Variants in GPC5 observed in about 807,000 individuals in gnomAD.
GPC5 encodes the protein glypican 5, also known as glypican-5.
GPC5 carries 47 observed loss-of-function variants against 53.9 expected under a neutral mutation model. The observed-to-expected ratio is 0.87, with a 90% CI of 0.69 to 1.11. The LOEUF is 1.11. Among genes scored for constraint, GPC5 ranks in the 50% most tolerant of loss-of-function variants. The pLI is 0.00. For missense variants in GPC5, 748 were observed against 713.1 expected, an observed-to-expected ratio of 1.05 and a Z score of -0.56; for synonymous variants, 286 against 263.3, an observed-to-expected ratio of 1.09 and a Z score of -0.84.
At chr13:92,123,570 T>C (rs1373021678) in intron 6 of GPC5, among the ~76,000 whole-genome samples, 1 of 152,192 alleles carries the variant, frequency 6.6e-6, no homozygotes, top group East Asian at 1.9e-4. Flanking sequence ...GAATGCCTGA[T>C]ACCTTTTTTT....
chr13:92,443,562 GCTC>G (rs1877666666), intron 7 of GPC5, among the ~76,000 whole-genome samples: 1 of 152,110 alleles, frequency 6.6e-6, no homozygotes, highest in Admixed American at 6.6e-5. Context: ...CAATTTTTGA[GCTC>G]CTAACAGTTT....
chr13:92,730,061 G>A (rs1888757435), intron 7 of GPC5, among the ~76,000 whole-genome samples: 1 of 151,348 alleles, frequency 6.6e-6, no homozygotes, highest in Non-Finnish European at 1.5e-5. Context: ...CTGACTCATA[G>A]TATAAAGATA....
chr13:92,659,833 A>G (rs1264416430), intron 7 of GPC5, among the ~76,000 whole-genome samples: 6 of 152,170 alleles, frequency 3.9e-5, no homozygotes, highest in Non-Finnish European at 5.9e-5. Flanking sequence ...CTGGGATATG[A>G]GAGTGAAAAG....
chr13:91,867,116 G>A (rs2039093398), intron 5 of GPC5, among the ~76,000 whole-genome samples: 1 of 152,242 alleles, frequency 6.6e-6, no homozygotes, highest in Non-Finnish European at 1.5e-5. Flanking sequence ...TCGGGAGGCT[G>A]AGGCAGGAGA....
chr13:92,751,302 TTAAAAAAAAAAA>T lies in GPC5; in HGVS notation c.1562-114979_1562-114968del, dbSNP rs1363094286. Among the ~76,000 whole-genome samples, 92 of 34,426 alleles carry T rather than the reference TTAAAAAAAAAAA, an allele frequency of 2.7e-3. 2 individuals are homozygous for T. Among genetic ancestry groups the T allele is most frequent in the Non-Finnish European group, 4.7e-3 (82 of 17,366 alleles). The allele number at this position is 34,426 out of a possible 152,430, so 22.6% of individuals were successfully genotyped here. A position where few individuals can be genotyped will look rare whatever the true frequency, so the allele number is the denominator to read the frequency against. On this transcript the variant is annotated intron_variant, in intron 7 of 7. Coordinates refer to ENST00000377067, the MANE Select transcript of GPC5 (RefSeq NM_004466.6). ...AAAACCTTTGGTCATCCAGAAACATTTAAAAAAAAAAAAAAAAAAAAAAAAAAAAAAAACCTT... is the reference window on the plus strand; with the variant it reads ...AAAACCTTTGGTCATCCAGAAACATTAAAAAAAAAAAAAAAAAAAAACCTT...
intron 7 of GPC5, among the ~76,000 whole-genome samples, chr13:92,253,504 G>A (rs529026309): frequency 1.3e-5 from 2 of 152,076 alleles, no homozygotes; most frequent in African/African-American, 4.8e-5. Flanking sequence ...TGCAGATAAG[G>A]AAAGAGTAGT....
intron 7 of GPC5, among the ~76,000 whole-genome samples, chr13:92,760,985 T>C (rs1038198416): frequency 2.6e-5 from 4 of 152,222 alleles, no homozygotes; most frequent in African/African-American, 9.6e-5. Flanking sequence ...TAGAGATTTC[T>C]AGTTTCATAC....
chr13:92,226,520 A>G lies in GPC5; in HGVS notation c.1561+81531A>G, dbSNP rs1043428001. ...TCTAACTCCTGAAAAGCACACAAAA[A>G]TGGTACACAGTTGACCAAGAAGTAA... is the stretch of plus-strand genomic sequence containing the variant. On this transcript the variant is annotated intron_variant, in intron 7 of 7. Coordinates refer to ENST00000377067, the MANE Select transcript of GPC5 (RefSeq NM_004466.6). 4.6e-5 allele frequency among the ~76,000 whole-genome samples: 7 copies of G among 152,202 alleles called. No individual in the cohort carries two copies. In the South Asian group the frequency reaches 8.3e-4, roughly 18 times the overall value.
intron 5 of GPC5, among the ~76,000 whole-genome samples, chr13:91,758,119 T>C (rs1006932321): frequency 6.6e-6 from 1 of 152,122 alleles, no homozygotes; most frequent in Non-Finnish European, 1.5e-5. Flanking sequence ...TGACTAGTGC[T>C]CTTTTTTCAT....
At chr13:92,562,407 C>T (rs1594306647) in intron 7 of GPC5, among the ~76,000 whole-genome samples, 1 of 152,046 alleles carries the variant, frequency 6.6e-6, no homozygotes, top group Non-Finnish European at 1.5e-5. Context: ...CCCGCTCTAC[C>T]ACCTACAAGG....
At position 91,597,426 on chromosome 13, in the gene GPC5, G is replaced by A. The variant is rs148318942; in HGVS notation, c.326-95761G>A. The stretch of plus-strand genomic sequence containing the variant: ...TTCTGATGAATATTTTTCTTTATAT[G>A]GCCTTCCAGTTTGTTAATTTTGAGC... On this transcript the variant is annotated intron_variant, in intron 2 of 7. Coordinates refer to ENST00000377067, the MANE Select transcript of GPC5 (RefSeq NM_004466.6). Among the ~76,000 whole-genome samples, 4 of 152,108 alleles carry A rather than the reference G, an allele frequency of 2.6e-5. No individual in the cohort carries two copies. In the East Asian group the frequency reaches 7.7e-4, roughly 29 times the overall value.
At chr13:92,537,888 T>C (rs1881776433) in intron 7 of GPC5, among the ~76,000 whole-genome samples, 1 of 152,102 alleles carries the variant, frequency 6.6e-6, no homozygotes, top group African/African-American at 2.4e-5. Flanking sequence ...GTCTCAGTCT[T>C]TTTAATTTTT....
chr13:91,914,158 C>G (rs1457388033), intron 6 of GPC5, among the ~76,000 whole-genome samples: 1 of 152,058 alleles, frequency 6.6e-6, no homozygotes, highest in African/African-American at 2.4e-5. Context: ...TATCATTTTT[C>G]AAAGAAAATA....
intron 6 of GPC5, among the ~76,000 whole-genome samples, chr13:91,982,144 C>T (rs139978153): frequency 6.6e-6 from 1 of 152,216 alleles, no homozygotes; most frequent in African/African-American, 2.4e-5. Flanking sequence ...GATGTGAAGA[C>T]AGGATTAGGG....
chr13:91,552,464 TCA>T lies in GPC5; in HGVS notation c.325+103545_325+103546del, dbSNP rs377161522. Reference sequence around the variant, plus strand: ...GGTATGAAGTGGGAAATCAGGGGTCTCACAGCCTTCAGAGCTGAGAGCCCTGA... The same window carrying T: ...GGTATGAAGTGGGAAATCAGGGGTCTCAGCCTTCAGAGCTGAGAGCCCTGA... On this transcript the variant is annotated intron_variant, in intron 2 of 7. Coordinates refer to ENST00000377067, the MANE Select transcript of GPC5 (RefSeq NM_004466.6). Among the ~76,000 whole-genome samples, 1,340 of 152,168 alleles carry T rather than the reference TCA, an allele frequency of 8.8e-3. 5 individuals carry two copies. The highest frequency in any genetic ancestry group is 0.014 in the Middle Eastern group (4 of 294).
chr13:91,630,147 A>T (rs1182171395), intron 2 of GPC5, among the ~76,000 whole-genome samples: 1 of 152,174 alleles, frequency 6.6e-6, no homozygotes, highest in African/African-American at 2.4e-5. Context: ...GACTGTATTA[A>T]TATTCATTTA....
intron 6 of GPC5, among the ~76,000 whole-genome samples, chr13:91,910,168 C>G (rs1178812056): frequency 6.6e-6 from 1 of 152,050 alleles, no homozygotes; most frequent in Non-Finnish European, 1.5e-5. Flanking sequence ...AGAATATGCT[C>G]TTTCATAAAC....
At chr13:92,577,815 A>G (rs1883237754) in intron 7 of GPC5, among the ~76,000 whole-genome samples, 1 of 152,184 alleles carries the variant, frequency 6.6e-6, no homozygotes, top group South Asian at 2.1e-4. Flanking sequence ...GAGACTATGC[A>G]AGAGATTGGT....
rs1566565284 is a variant in GPC5 at position 92,381,888 on chromosome 13, A to ATCATATATATCATATATATG, written c.1561+236900_1561+236901insCATATATATCATATATATGT. On this transcript the variant is annotated intron_variant, in intron 7 of 7. Coordinates refer to ENST00000377067, the MANE Select transcript of GPC5 (RefSeq NM_004466.6). ...ATATATCATATATATGATTATATAT[A>ATCATATATATCATATATATG]TTATATATAATCATATATATGATAT... 1.5e-3 allele frequency among the ~76,000 whole-genome samples: 127 copies of ATCATATATATCATATATATG among 86,022 alleles called. 2 individuals carry two copies. The highest frequency in any genetic ancestry group is 5.5e-3 in the African/African-American group (122 of 22,372). 56.4% of individuals were successfully genotyped at this position (86,022 alleles called of 152,430 possible).
Sources: allele counts gnomAD v4.1 joint callset (sites outside exome capture counted in the v4.1 genomes callset), GRCh38; gene constraint gnomAD v4.1.1; transcripts MANE v1.5; gene names NCBI Gene and HGNC (gene_info 2026-07-23, HGNC 2026-07-21).